Variants in CAPRIN1 observed in about 807,000 individuals in gnomAD.
CAPRIN1 encodes cell cycle associated protein 1, also known as caprin-1.
Under a neutral mutation model 100.9 loss-of-function variants are expected in CAPRIN1, and 29 were observed. The ratio of observed to expected loss-of-function variants is 0.29; its 90% CI spans 0.21 to 0.39. The LOEUF (loss-of-function observed/expected upper bound fraction) is 0.39. Ranked by LOEUF, CAPRIN1 falls within the 10% of genes least tolerant of loss-of-function variation. The pLI, the probability that CAPRIN1 is intolerant of heterozygous loss-of-function variation, is 1.00. For synonymous variants in CAPRIN1, 338 were observed against 307.5 expected (o/e 1.10, Z -1.04); for missense variants, 795 against 876.7 (o/e 0.91, Z 1.18).
chr11:34,095,507 A>T (rs1338432569), intron 15 of CAPRIN1, among the ~76,000 whole-genome samples: 4 of 152,304 alleles, frequency 2.6e-5, no homozygotes, highest in Admixed American at 1.3e-4. Flanking sequence ...AACAACTATT[A>T]ATGTATTTGG....
At chr11:34,076,776 C>A in intron 6 of CAPRIN1, 134 bp downstream of exon 6, 1 of 656,434 alleles carries the variant, frequency 1.5e-6, no homozygotes. Context: ...CTCTGTTGCC[C>A]AGGTTGGAGT....
chr11:34,053,344 G>A (rs1470596205), intron 2 of CAPRIN1: 1 of 173,690 alleles, frequency 5.8e-6, no homozygotes, highest in Non-Finnish European at 1.1e-5. Context: ...ATTTTCTGCA[G>A]CGACTTTTTG....
chr11:34,082,609 A>G (rs1002754570), intron 7 of CAPRIN1, among the ~76,000 whole-genome samples: 14 of 152,166 alleles, frequency 9.2e-5, no homozygotes, highest in Admixed American at 7.9e-4. Flanking sequence ...CATCCCCCCA[A>G]CCAGAGTGGT....
chr11:34,097,898 G>A, intron 18 of CAPRIN1, 137 bp downstream of exon 18: 1 of 1,436,928 alleles, frequency 7.0e-7, no homozygotes, highest in South Asian at 1.6e-5. Flanking sequence ...GAAATGCTCT[G>A]TTTCTAAAAC....
intron 11 of CAPRIN1, among the ~76,000 whole-genome samples, chr11:34,086,648 A>G (rs1851151820): frequency 6.6e-6 from 1 of 152,230 alleles, no homozygotes; most frequent in African/African-American, 2.4e-5. Context: ...AAATATACGC[A>G]AGTTTAATGA....
At chr11:34,056,249 T>TA (rs1475242327) in intron 2 of CAPRIN1, among the ~76,000 whole-genome samples, 2 of 152,206 alleles carry the variant, frequency 1.3e-5, no homozygotes, top group Admixed American at 6.5e-5. Flanking sequence ...TTATGGATTT[T>TA]AAAATCAAAT....
At chr11:34,055,152 G>T (rs1253356030) in intron 2 of CAPRIN1, among the ~76,000 whole-genome samples, 1 of 152,052 alleles carries the variant, frequency 6.6e-6, no homozygotes, top group East Asian at 1.9e-4. Flanking sequence ...AAGTGATTTT[G>T]TTATTTTATT....
At chr11:34,094,390 C>T (rs1307264445) in intron 15 of CAPRIN1, among the ~76,000 whole-genome samples, 2 of 152,152 alleles carry the variant, frequency 1.3e-5, no homozygotes, top group Non-Finnish European at 2.9e-5. Flanking sequence ...CAGTATGTCC[C>T]ATCATTTTAG....
chr11:34,090,647 T>C lies in CAPRIN1; in HGVS notation c.1523T>C (p.Val508Ala). 6.2e-7 allele frequency: 1 copy of C among 1,614,178 alleles called. No homozygotes were observed. Among genetic ancestry groups the C allele is most frequent in the South Asian group, 1.1e-5 (1 of 91,078 alleles). The stretch of plus-strand genomic sequence containing the variant: ...CCTTTACATAGCAGTGGAATCAATG[T>C]AAATGCAGCTCCATTCCAATCCATG... Reference protein sequence around the residue: ...SKPLHSSGINVNAAPFQSMQT... With the variant: ...SKPLHSSGINANAAPFQSMQT... The change falls in exon 14 of 19, where the codon GTA (valine) becomes GCA (alanine). Residue 508 changes from valine to alanine, a missense_variant. Val to Ala is a moderately conservative substitution (Grantham distance 64). Around this residue, in one of 3 missense-constraint regions of CAPRIN1, gnomAD observed 648 missense variants for 697.9 expected, o/e 0.93. Coordinates refer to ENST00000341394, the MANE Select transcript of CAPRIN1 (RefSeq NM_005898.5).
intron 2 of CAPRIN1, among the ~76,000 whole-genome samples, chr11:34,070,521 A>G (rs1192748887): frequency 3.3e-5 from 5 of 152,040 alleles, no homozygotes; most frequent in Non-Finnish European, 7.4e-5. Flanking sequence ...CAACCTCCCA[A>G]GTACCTGGGA....
At chr11:34,058,399 A>C (rs1590719028) in intron 2 of CAPRIN1, among the ~76,000 whole-genome samples, 1 of 152,250 alleles carries the variant, frequency 6.6e-6, no homozygotes, top group Admixed American at 6.5e-5. Context: ...GGCCTCCCAA[A>C]GTGCTGGGAT....
At position 34,092,461 on chromosome 11, in the gene CAPRIN1, A is replaced by G. The variant is rs1227076538; in HGVS notation, c.1705+405A>G. Among the ~76,000 whole-genome samples the G allele has an allele frequency of 7.3e-5, 11 of 151,712 alleles. No individual in the cohort carries two copies. In the South Asian group the frequency reaches 1.7e-3, roughly 23 times the overall value. On this transcript the variant is annotated intron_variant, in intron 15 of 18. Transcript: ENST00000341394. ...AACCTCTGCCTCCTGGACACAAGCAATCCTCCCTACCTCAGCCTCCCAAGT... is the reference window on the plus strand; with the variant it reads ...AACCTCTGCCTCCTGGACACAAGCAGTCCTCCCTACCTCAGCCTCCCAAGT...
At chr11:34,069,012 A>G (rs941064372) in intron 2 of CAPRIN1, among the ~76,000 whole-genome samples, 3 of 152,166 alleles carry the variant, frequency 2.0e-5, no homozygotes, top group Non-Finnish European at 4.4e-5. Context: ...TTGTTCAGTA[A>G]TAATGAACTG....
intron 7 of CAPRIN1, among the ~76,000 whole-genome samples, chr11:34,080,248 CAA>C (rs923660677): frequency 2.6e-5 from 4 of 152,118 alleles, no homozygotes; most frequent in African/African-American, 9.7e-5. Context: ...GACAGATTAT[CAA>C]GAGTAATTCC....
At chr11:34,075,566 A>ATGG (rs1850889724) in intron 4 of CAPRIN1, among the ~76,000 whole-genome samples, 1 of 152,228 alleles carries the variant, frequency 6.6e-6, no homozygotes, top group Admixed American at 6.5e-5. Flanking sequence ...TTTCAGTAAG[A>ATGG]TGGAATAACT....
At chr11:34,056,788 T>G (rs929711175) in intron 2 of CAPRIN1, among the ~76,000 whole-genome samples, 5 of 152,370 alleles carry the variant, frequency 3.3e-5, no homozygotes, top group African/African-American at 1.2e-4. Flanking sequence ...GTGAATATAA[T>G]AGGTTTAGAC....
rs751029247 is a variant in CAPRIN1, at chr11:34,071,705, CT to C, written c.217-13del. On this transcript the variant is annotated intron_variant, in intron 2 of 18. Transcript: ENST00000341394. ...TATACCTTCAAAACGGAATGTAATT[CT>C]TTTTTTTCTTTTAACATAGGGTAAG... 1.5e-5 allele frequency: 24 copies of C among 1,574,342 alleles called. No individual in the cohort carries two copies. In the African/African-American group the frequency reaches 2.3e-4, roughly 15 times the overall value.
intron 2 of CAPRIN1, chr11:34,053,626 G>T (rs1850384099): frequency 6.6e-6 from 1 of 151,678 alleles, no homozygotes; most frequent in Admixed American, 6.6e-5. Flanking sequence ...CCACACCCAC[G>T]ATTTTTTGGA....
Position 34,096,512 on chromosome 11 carries a change from C to G in CAPRIN1, c.1739C>G (p.Ser580Cys). 1 of 1,613,984 alleles carries G rather than the reference C, an allele frequency of 6.2e-7. No individual in the cohort carries two copies. Among genetic ancestry groups the G allele is most frequent in the Admixed American group, 1.7e-5 (1 of 60,006 alleles). Residue 580 changes from serine to cysteine, a missense_variant, in exon 16 of 19, where the codon TCC (serine) becomes TGC (cysteine). This residue lies in a region of CAPRIN1 where 648 missense variants were observed against 697.9 expected (regional missense o/e 0.93). Transcript: ENST00000341394. ...ACTTACCATGGTTCCCCAGACCAGT[C>G]CCATCAAGTGACTGGTAACCACCAG... ...VGTYHGSPDQ[S>C]HQVTGNHQQP...
Sources: gnomAD v4.1 joint callset for allele counts (sites outside exome capture counted in the v4.1 genomes callset) on GRCh38, gnomAD v4.1.1 for gene constraint, gnomAD v4.1.1 regional missense constraint, MANE v1.5 for transcripts, NCBI Gene and HGNC (gene_info 2026-07-23, HGNC 2026-07-21) for gene names.